Variants in TMEM196 observed in about 807,000 individuals in gnomAD.
TMEM196 encodes transmembrane protein 196.
In TMEM196, 17 loss-of-function variants were observed where a neutral mutation model predicts 20.0. The ratio of observed to expected loss-of-function variants is 0.85; its 90% CI spans 0.58 to 1.27. TMEM196 has a LOEUF of 1.27. Among genes scored for constraint, TMEM196 ranks in the 50% most tolerant of loss-of-function variants. TMEM196 has a pLI of 0.00. For missense variants in TMEM196, 267 were observed against 223.0 expected (o/e 1.20, Z -1.26); for synonymous variants, 113 against 88.9 (o/e 1.27, Z -1.52).
intron 2 of TMEM196, among the ~76,000 whole-genome samples, chr7:19,728,971 T>C (rs1477751598): frequency 6.6e-6 from 1 of 152,154 alleles, no homozygotes; most frequent in Non-Finnish European, 1.5e-5. Context: ...TGCTTCACAG[T>C]CAAAGAAAGC....
intron 1 of TMEM196, among the ~76,000 whole-genome samples, chr7:19,732,979 G>T (rs184191959): frequency 6.6e-6 from 1 of 152,288 alleles, no homozygotes; most frequent in East Asian, 1.9e-4. Context: ...TATGTGTAAA[G>T]CCTGAACCAT....
chr7:19,761,218 C>G (rs1785422907), intron 1 of TMEM196, among the ~76,000 whole-genome samples: 1 of 152,210 alleles, frequency 6.6e-6, no homozygotes, highest in African/African-American at 2.4e-5. Context: ...TCAAAAGAAG[C>G]CACTTTCCAT....
At chr7:19,769,049 G>A (rs1785754594) in intron 1 of TMEM196, among the ~76,000 whole-genome samples, 3 of 152,068 alleles carry the variant, frequency 2.0e-5, no homozygotes, top group African/African-American at 7.2e-5. Flanking sequence ...TTATAGTGCA[G>A]CTTTTACTTC....
chr7:19,726,909 A>G (rs1784020109), intron 2 of TMEM196, among the ~76,000 whole-genome samples: 1 of 151,964 alleles, frequency 6.6e-6, no homozygotes, highest in South Asian at 2.1e-4. Flanking sequence ...AATATGGGTT[A>G]CTCATTCCCA....
At chr7:19,767,567 C>A (rs1785686149) in intron 1 of TMEM196, among the ~76,000 whole-genome samples, 1 of 151,768 alleles carries the variant, frequency 6.6e-6, no homozygotes, top group East Asian at 1.9e-4. Flanking sequence ...AATAATGGTG[C>A]CTGATTTTGA....
At chr7:19,753,709 T>A (rs367893134) in intron 1 of TMEM196, among the ~76,000 whole-genome samples, 3 of 152,328 alleles carry the variant, frequency 2.0e-5, no homozygotes, top group African/African-American at 7.2e-5. Context: ...CCTGTTCATT[T>A]CTAAAGAAGA....
chr7:19,737,132 A>C (rs1222923232), intron 1 of TMEM196, among the ~76,000 whole-genome samples: 1 of 152,054 alleles, frequency 6.6e-6, no homozygotes, highest in Non-Finnish European at 1.5e-5. Context: ...AAAACAAACA[A>C]CTGAATTAAA....
At chr7:19,767,434 C>T (rs917247512) in intron 1 of TMEM196, among the ~76,000 whole-genome samples, 13 of 151,938 alleles carry the variant, frequency 8.6e-5, no homozygotes, top group African/African-American at 2.9e-4. Context: ...AGATTCTTTA[C>T]CTGGGCTCTA....
chr7:19,738,133 T>C (rs1426553071), intron 1 of TMEM196, among the ~76,000 whole-genome samples: 1 of 152,064 alleles, frequency 6.6e-6, no homozygotes, highest in Admixed American at 6.6e-5. Flanking sequence ...CATTATACTC[T>C]ATTTAACAAA....
At chr7:19,769,718 C>T (rs1217355106) in intron 1 of TMEM196, among the ~76,000 whole-genome samples, 3 of 151,990 alleles carry the variant, frequency 2.0e-5, no homozygotes, top group Admixed American at 6.6e-5. Flanking sequence ...AACAATACAA[C>T]AACAATAATA....
chr7:19,746,313 G>C (rs1784747864), intron 1 of TMEM196, among the ~76,000 whole-genome samples: 1 of 152,202 alleles, frequency 6.6e-6, no homozygotes, highest in Non-Finnish European at 1.5e-5. Context: ...CCACGTGGGA[G>C]TACAGAGGAT....
intron 1 of TMEM196, among the ~76,000 whole-genome samples, chr7:19,745,553 A>G (rs1784722118): frequency 6.6e-6 from 1 of 151,938 alleles, no homozygotes; most frequent in African/African-American, 2.4e-5. Context: ...CTGGGGATAA[A>G]GCCTAACACA....
intron 1 of TMEM196, among the ~76,000 whole-genome samples, chr7:19,762,085 A>G (rs1785457696): frequency 6.6e-6 from 1 of 152,194 alleles, no homozygotes; most frequent in Non-Finnish European, 1.5e-5. Context: ...TTTCTGCTTC[A>G]AAAGTGACAG....
chr7:19,734,708 C>T (rs1377182388), intron 1 of TMEM196, among the ~76,000 whole-genome samples: 7 of 152,164 alleles, frequency 4.6e-5, no homozygotes, highest in Non-Finnish European at 5.9e-5. Flanking sequence ...TCCCTGGAGC[C>T]TCCAGAAAGA....
At chr7:19,741,375 G>T (rs956924652) in intron 1 of TMEM196, among the ~76,000 whole-genome samples, 1 of 152,144 alleles carries the variant, frequency 6.6e-6, no homozygotes, top group Non-Finnish European at 1.5e-5. Flanking sequence ...ATCAGTAAAT[G>T]CATTGATGAG....
At position 19,729,387 on chromosome 7, in the gene TMEM196, G is replaced by C; in HGVS notation, c.199C>G (p.Leu67Val). The change falls in exon 2 of 5, where the codon CTT becomes GTT. Residue 67 changes from leucine to valine, a missense_variant. Leu to Val is a conservative substitution (Grantham distance 32, BLOSUM62 1). Coordinates refer to ENST00000405844, the MANE Select transcript of TMEM196 (RefSeq NM_001363562.2). ...GILCAKKKSG[L>V]VMILFSACCI... Reference sequence around the variant, plus strand: ...CAAACAAATCAAACACTTACGACAAGTCCTGATTTTTTTTTGGCACACAAT... The same window carrying C: ...CAAACAAATCAAACACTTACGACAACTCCTGATTTTTTTTTGGCACACAAT... 6.5e-7 allele frequency: 1 copy of C among 1,549,924 alleles called. No individual in the cohort carries two copies. Among genetic ancestry groups the C allele is most frequent in the Non-Finnish European group, 8.7e-7 (1 of 1,146,612 alleles).
At chr7:19,737,882 C>CA (rs1453891185) in intron 1 of TMEM196, among the ~76,000 whole-genome samples, 22 of 151,682 alleles carry the variant, frequency 1.5e-4, no homozygotes, top group Admixed American at 7.9e-4. Flanking sequence ...CTTTATAACA[C>CA]AAAAAATCTT....
intron 1 of TMEM196, among the ~76,000 whole-genome samples, chr7:19,762,402 C>G (rs900603623): frequency 2.0e-5 from 3 of 151,974 alleles, no homozygotes; most frequent in Non-Finnish European, 2.9e-5. Context: ...TATTAAGCAT[C>G]AATGTATGGA....
Position 19,720,769 on chromosome 7 carries a change from G to A in TMEM196, c.*1359C>T, listed in dbSNP as rs918969165. 2.0e-5 allele frequency: 3 copies of A among 151,732 alleles called. No individual in the cohort carries two copies. The highest frequency in any genetic ancestry group is 6.6e-5 in the Admixed American group (1 of 15,224). 9.4% of individuals were successfully genotyped at this position (151,732 alleles called of 1,614,324 possible). A position where few individuals can be genotyped will look rare whatever the true frequency, so the allele number is the denominator to read the frequency against. On this transcript the variant is annotated 3_prime_UTR_variant, in exon 5 of 5. Coordinates refer to ENST00000405844, the MANE Select transcript of TMEM196 (RefSeq NM_001363562.2). ...ATTCTTTCAGGATCTTTGGATATAG[G>A]CTTTCTTATATATGGACTGCCTATA... is the stretch of plus-strand genomic sequence containing the variant.
Sources: gnomAD v4.1 joint callset for allele counts (sites outside exome capture counted in the v4.1 genomes callset) on GRCh38, gnomAD v4.1.1 for gene constraint, MANE v1.5 for transcripts, NCBI Gene and HGNC (gene_info 2026-07-23, HGNC 2026-07-21) for gene names.